The following ABCC5 variants were observed in gnomAD, a reference collection of about 807,000 sequenced individuals.
ABCC5 encodes the protein ATP binding cassette subfamily C member 5.
In ABCC5, 61 loss-of-function variants were observed where a neutral mutation model predicts 160.9. That is an observed-to-expected ratio of 0.38 (90% CI 0.31 to 0.47). The LOEUF is 0.47. ABCC5 is among the 20% of genes least tolerant of loss of function. The pLI is 0.99. For synonymous variants in ABCC5, 666 were observed against 700.6 expected (o/e 0.95, Z 0.78); for missense variants, 1,308 against 1,813.3 (o/e 0.72, Z 5.06).
chr3:183,950,870 A>G (rs1338413035), intron 20 of ABCC5, among the ~76,000 whole-genome samples: 2 of 152,246 alleles, frequency 1.3e-5, no homozygotes, highest in Non-Finnish European at 2.9e-5. Context: ...GGGGTCAAAA[A>G]GATCTGGGTT....
rs565183859 is a variant in ABCC5, at chr3:183,983,023, C to T, written c.592-16G>A. 6.3e-7 allele frequency: 1 copy of T among 1,594,874 alleles called. No individual in the cohort carries two copies. The highest frequency in any genetic ancestry group is 1.1e-5 in the South Asian group (1 of 90,670). On this transcript the variant is annotated splice_polypyrimidine_tract_variant and intron_variant, in intron 5 of 29. Coordinates refer to ENST00000334444, the MANE Select transcript of ABCC5 (RefSeq NM_005688.4). The stretch of plus-strand genomic sequence containing the variant: ...CCATGAAGGCCTACAGGGAGAGACA[C>T]ACACCACTGTCAACATCTCCACGGC...
chr3:183,988,637 C>A lies in ABCC5; in HGVS notation c.378G>T (p.Gly126=). 1 of 1,614,244 alleles carries A rather than the reference C, an allele frequency of 6.2e-7. No homozygotes were observed. The highest frequency in any genetic ancestry group is 8.5e-7 in the Non-Finnish European group (1 of 1,180,038). Residue 126 remains glycine (G), a synonymous_variant, in exon 4 of 30, where the codon GGG becomes GGT. Coordinates refer to ENST00000334444, the MANE Select transcript of ABCC5 (RefSeq NM_005688.4). The surrounding 1 kb of genome is among the most constrained non-coding windows in gnomAD (Gnocchi z 4.4). ...ACCACACGTCTTCCATTGAGAGCTCCCCCTTCTTGTGGGCCACACGGGCCA... is the reference window on the plus strand; with the variant it reads ...ACCACACGTCTTCCATTGAGAGCTCACCCTTCTTGTGGGCCACACGGGCCA... ...SSLARVAHKK[G]ELSMEDVWSL... is the part of the protein sequence containing the mutation.
chr3:183,935,698 C>T (rs1042547183), intron 26 of ABCC5, among the ~76,000 whole-genome samples: 4 of 151,654 alleles, frequency 2.6e-5, no homozygotes, highest in Admixed American at 2.6e-4. Flanking sequence ...GACAGGGTTT[C>T]GCCATGTTGG....
chr3:184,007,750 T>G (rs893043946), intron 2 of ABCC5, among the ~76,000 whole-genome samples: 1 of 152,022 alleles, frequency 6.6e-6, no homozygotes, highest in Non-Finnish European at 1.5e-5. Context: ...TCGCTTGAAC[T>G]TGGGAGGCGG....
At chr3:183,980,429 C>T (rs1366235472) in intron 8 of ABCC5, among the ~76,000 whole-genome samples, 1 of 152,194 alleles carries the variant, frequency 6.6e-6, no homozygotes, top group Non-Finnish European at 1.5e-5. Flanking sequence ...CATAAAACTA[C>T]AGAATCAGAG....
intron 24 of ABCC5, among the ~76,000 whole-genome samples, chr3:183,944,587 G>C (rs948467919): frequency 5.3e-5 from 8 of 152,154 alleles, no homozygotes; most frequent in Admixed American, 1.3e-4. Context: ...AGTTCAATTT[G>C]AGAATCTAAC....
intron 2 of ABCC5, among the ~76,000 whole-genome samples, chr3:183,997,520 C>T (rs918713333): frequency 2.0e-5 from 3 of 152,122 alleles, no homozygotes; most frequent in African/African-American, 7.2e-5. Flanking sequence ...CTTCCTTCCT[C>T]CTATGTCTTC....
chr3:183,953,394 CTT>C, intron 17 of ABCC5, 124 bp from the exon 18 acceptor site: 1 of 781,452 alleles, frequency 1.3e-6, no homozygotes, highest in Non-Finnish European at 1.9e-6. Flanking sequence ...TAGATTTCCT[CTT>C]TGTCAGAAGC....
intron 22 of ABCC5, 57 bp from the exon 23 acceptor site, chr3:183,947,567 G>A: frequency 2.9e-6 from 4 of 1,392,142 alleles, no homozygotes; most frequent in African/African-American, 2.9e-5. Flanking sequence ...CCCGCGCATG[G>A]ACAAAGCTTC....
chr3:184,009,284 T>C (rs1291733515), intron 2 of ABCC5, among the ~76,000 whole-genome samples: 1 of 152,200 alleles, frequency 6.6e-6, no homozygotes, highest in Non-Finnish European at 1.5e-5. Context: ...GCTTTTTTGT[T>C]GTTTGTTTTA....
intron 2 of ABCC5, among the ~76,000 whole-genome samples, chr3:184,007,892 A>G (rs931690069): frequency 1.3e-5 from 2 of 152,234 alleles, no homozygotes; most frequent in African/African-American, 4.8e-5. Context: ...GTATTGCACT[A>G]TAGCTAAGAC....
intron 26 of ABCC5, among the ~76,000 whole-genome samples, chr3:183,936,943 T>C (rs1713785706): frequency 6.6e-6 from 1 of 152,258 alleles, no homozygotes; most frequent in Admixed American, 6.5e-5. Context: ...ACTGTTTTAA[T>C]AGGCCAAGAA....
Position 183,991,842 on chromosome 3 carries a change from T to C in ABCC5, c.130-2459A>G, listed in dbSNP as rs79808474. On this transcript the variant is annotated intron_variant, in intron 2 of 29. Coordinates refer to ENST00000334444, the MANE Select transcript of ABCC5 (RefSeq NM_005688.4). ...GTTTTTCTTACCTATGAGCTGCATA[T>C]AATCACAAGGGGAAGGAAAAAACCT... is the stretch of plus-strand genomic sequence containing the variant. Among the ~76,000 whole-genome samples, 572 of 152,278 alleles carry C rather than the reference T, an allele frequency of 3.8e-3. 2 individuals are homozygous for C. Among genetic ancestry groups the C allele is most frequent in the Admixed American group, 6.7e-3 (102 of 15,292 alleles).
chr3:183,965,848 A>G (rs1022716672), intron 12 of ABCC5, among the ~76,000 whole-genome samples: 5 of 152,134 alleles, frequency 3.3e-5, no homozygotes, highest in Admixed American at 3.3e-4. Context: ...TTTCCAGCTA[A>G]TCCCTGCCTC....
At chr3:183,983,291 C>T in intron 5 of ABCC5, 1 of 454,154 alleles carries the variant, frequency 2.2e-6, no homozygotes, top group South Asian at 2.7e-5. Flanking sequence ...GAAATTAACT[C>T]TAAACACATG....
In ABCC5 at chr3:183,988,802, T is replaced by C; in HGVS notation, c.288-75A>G. 6.8e-7 allele frequency: 1 copy of C among 1,465,336 alleles called. No homozygotes were observed. Among genetic ancestry groups the C allele is most frequent in the Non-Finnish European group, 9.3e-7 (1 of 1,078,750 alleles). The allele number at this position is 1,465,336 out of a possible 1,614,324, so 90.8% of individuals were successfully genotyped here. On this transcript the variant is annotated intron_variant, in intron 3 of 29. Coordinates refer to ENST00000334444, the MANE Select transcript of ABCC5 (RefSeq NM_005688.4). This position sits in a 1 kb window ranked among gnomAD's most constrained non-coding sequence, Gnocchi z 4.4. Reference sequence around the variant, plus strand: ...GCAGCCCGTGTTTAATGGACACTGTTTAGTGAACACAGCTCTTAGCTAAAG... The same window carrying C: ...GCAGCCCGTGTTTAATGGACACTGTCTAGTGAACACAGCTCTTAGCTAAAG...
intron 25 of ABCC5, among the ~76,000 whole-genome samples, chr3:183,938,971 A>G (rs1468982748): frequency 6.6e-6 from 1 of 152,242 alleles, no homozygotes; most frequent in Non-Finnish European, 1.5e-5. Context: ...AGTAATCAGC[A>G]GAACAGGTTA....
In ABCC5 at chr3:183,988,476, G is replaced by A. The variant is rs1156544383; in HGVS notation, c.443+96C>T. The A allele has an allele frequency of 9.6e-6, 14 of 1,465,942 alleles. No homozygotes were observed. Among genetic ancestry groups the A allele is most frequent in the Middle Eastern group, 5.1e-4 (2 of 3,910 alleles). 90.8% of individuals were successfully genotyped at this position (1,465,942 alleles called of 1,614,324 possible). On this transcript the variant is annotated intron_variant, in intron 4 of 29. Transcript: ENST00000334444. This position sits in a 1 kb window ranked among gnomAD's most constrained non-coding sequence, Gnocchi z 4.4. ...CCGCCCGCCCTCCACTGGACAGCTC[G>A]GCTCTTTAAAGACACAGAGCTGTGG... is the stretch of plus-strand genomic sequence containing the variant.
chr3:183,999,045 G>A (rs1175736081), intron 2 of ABCC5, among the ~76,000 whole-genome samples: 1 of 150,724 alleles, frequency 6.6e-6, no homozygotes, highest in Non-Finnish European at 1.5e-5. Context: ...AGCTGAGATC[G>A]CGCCACTGAA....
Sources: gnomAD v4.1 joint callset for allele counts (sites outside exome capture counted in the v4.1 genomes callset) on GRCh38, gnomAD v4.1.1 for gene constraint, Gnocchi (gnomAD v3.1) non-coding constraint, MANE v1.5 for transcripts, NCBI Gene and HGNC (gene_info 2026-07-23, HGNC 2026-07-21) for gene names.